Variants in SVIL observed in about 807,000 individuals in gnomAD.
The protein encoded by SVIL is archvillin.
SVIL carries 101 observed loss-of-function variants against 240.4 expected under a neutral mutation model. The observed-to-expected ratio is 0.42, with a 90% CI of 0.36 to 0.50. The LOEUF (loss-of-function observed/expected upper bound fraction) is 0.50, where lower values mean the gene tolerates loss of function less well. SVIL is among the 20% of genes least tolerant of loss of function. SVIL has a pLI of 0.01. For missense variants in SVIL, 2,512 were observed against 2,818.7 expected, an observed-to-expected ratio of 0.89 and a Z score of 2.46; for synonymous variants, 999 against 1,100.0, an observed-to-expected ratio of 0.91 and a Z score of 1.82.
At chr10:29,621,979 G>A (rs949597244) in intron 1 of SVIL, among the ~76,000 whole-genome samples, 4 of 151,948 alleles carry the variant, frequency 2.6e-5, no homozygotes, top group African/African-American at 7.3e-5. Context: ...GGCCGGGCGC[G>A]GTGGCTCACG....
chr10:29,697,803 AAT>A (rs1171745028), intron 1 of SVIL: 6 of 247,004 alleles, frequency 2.4e-5, no homozygotes, highest in African/African-American at 1.6e-4. Context: ...TTAAAAAAAA[AAT>A]AAAATTAAAA....
chr10:29,531,262 G>A lies in SVIL; in HGVS notation c.2036C>T (p.Thr679Ile), dbSNP rs1951347042. ...GGGAAACAGGTACTTGCCATCGACA[G>A]TTGGCGTTTCTGAATGTGAAGTGCA... is the stretch of plus-strand genomic sequence containing the variant. ...DRCTSHSETPTVDDEEKVDER... is the reference protein window; with the variant it reads ...DRCTSHSETPIVDDEEKVDER... The change falls in exon 10 of 38, where the codon ACT becomes ATT. Residue 679 changes from threonine to isoleucine, a missense_variant. Transcript: ENST00000355867. 2 of 1,614,020 alleles carry A rather than the reference G, an allele frequency of 1.2e-6. No individual in the cohort carries two copies. Among genetic ancestry groups the A allele is most frequent in the Admixed American group, 1.7e-5 (1 of 60,020 alleles).
intron 12 of SVIL, among the ~76,000 whole-genome samples, chr10:29,529,025 A>T (rs1951143073): frequency 6.6e-6 from 1 of 151,720 alleles, no homozygotes; most frequent in South Asian, 2.1e-4. Context: ...AAAATACAAA[A>T]ATTAGCTGAG....
At chr10:29,619,448 A>G (rs1165763965) in intron 1 of SVIL, among the ~76,000 whole-genome samples, 1 of 152,208 alleles carries the variant, frequency 6.6e-6, no homozygotes, top group Non-Finnish European at 1.5e-5. Flanking sequence ...ACTCTTCAGC[A>G]GTTAGCTTTG....
chr10:29,586,757 G>A (rs1050024564), intron 1 of SVIL, among the ~76,000 whole-genome samples: 1 of 152,122 alleles, frequency 6.6e-6, no homozygotes, highest in Admixed American at 6.5e-5. Flanking sequence ...GGATGAAGCA[G>A]GAGGCTACCA....
chr10:29,630,012 G>A (rs1330214525), intron 1 of SVIL, among the ~76,000 whole-genome samples: 1 of 128,542 alleles, frequency 7.8e-6, no homozygotes, highest in East Asian at 1.9e-4. Flanking sequence ...ATATTGTAGA[G>A]GTAAAGAGTG....
chr10:29,585,565 A>G (rs1357619739), intron 1 of SVIL, among the ~76,000 whole-genome samples: 1 of 152,212 alleles, frequency 6.6e-6, no homozygotes, highest in East Asian at 1.9e-4. Flanking sequence ...AGCAATGAAA[A>G]GAAGACAACG....
chr10:29,548,747 C>CT (rs1473487292), intron 6 of SVIL, among the ~76,000 whole-genome samples: 4 of 152,198 alleles, frequency 2.6e-5, no homozygotes, highest in African/African-American at 9.7e-5. Flanking sequence ...AGTGGTGCTT[C>CT]TTCTGCTCTG....
chr10:29,665,250 A>AG (rs1164301609), intron 2 of SVIL, among the ~76,000 whole-genome samples: 6 of 150,704 alleles, frequency 4.0e-5, no homozygotes, highest in Non-Finnish European at 8.9e-5. Context: ...AAAAAAAAAA[A>AG]AGGAGGCAAA....
chr10:29,609,161 TC>T (rs1467861924), intron 1 of SVIL, among the ~76,000 whole-genome samples: 2 of 152,156 alleles, frequency 1.3e-5, no homozygotes, highest in Non-Finnish European at 2.9e-5. Flanking sequence ...CTGCATAACC[TC>T]ATTCTTCCTA....
intron 3 of SVIL, among the ~76,000 whole-genome samples, chr10:29,557,259 C>G (rs1954018500): frequency 1.3e-5 from 2 of 149,410 alleles, no homozygotes; most frequent in Admixed American, 6.7e-5. Flanking sequence ...CCACGCCTGG[C>G]TAGCTTTTGG....
intron 6 of SVIL, among the ~76,000 whole-genome samples, chr10:29,539,169 A>T (rs1257098584): frequency 7.2e-6 from 1 of 138,182 alleles, no homozygotes; most frequent in East Asian, 1.9e-4. Context: ...GGCCTCTAAT[A>T]AATAAATAAA....
chr10:29,517,164 C>T (rs61849348), intron 16 of SVIL, among the ~76,000 whole-genome samples: 21,039 of 152,082 alleles, frequency 0.14, 1,996 homozygotes, highest in African/African-American at 0.27. Context: ...GTAATCCCAG[C>T]ACTTTGGAAG....
At chr10:29,493,416 TAA>T (rs768912345) in intron 20 of SVIL, 25 bp from the exon 21 acceptor site, 5 of 1,611,504 alleles carry the variant, frequency 3.1e-6, no homozygotes, top group East Asian at 2.2e-5. Flanking sequence ...GCAAAAGACA[TAA>T]GAGTTTTATA....
chr10:29,729,340 GGA>G (rs1314026377), intron 1 of SVIL, among the ~76,000 whole-genome samples: 23 of 151,996 alleles, frequency 1.5e-4, no homozygotes, highest in Admixed American at 1.5e-3. Context: ...ACATTAAGCA[GGA>G]GGAAAAAGTT....
chr10:29,495,869 G>T (rs1490930546), intron 18 of SVIL, among the ~76,000 whole-genome samples: 2 of 152,282 alleles, frequency 1.3e-5, no homozygotes, highest in Middle Eastern at 3.4e-3. Context: ...AAAGTATCCA[G>T]CTGGAAGAAG....
At chr10:29,585,268 C>T (rs1288341833) in intron 1 of SVIL, among the ~76,000 whole-genome samples, 1 of 151,972 alleles carries the variant, frequency 6.6e-6, no homozygotes, top group Non-Finnish European at 1.5e-5. Flanking sequence ...TGCCATGTTG[C>T]CCAGGTTGGT....
At chr10:29,462,184 G>A in intron 36 of SVIL, 93 bp downstream of exon 36, 1 of 1,443,886 alleles carries the variant, frequency 6.9e-7, no homozygotes, top group Non-Finnish European at 9.2e-7. Flanking sequence ...TTCCCACTCT[G>A]AAAGTGCAAT....
intron 30 of SVIL, among the ~76,000 whole-genome samples, 166 bp from the exon 31 acceptor site, chr10:29,471,409 A>G (rs1417533085): frequency 1.3e-5 from 2 of 152,124 alleles, no homozygotes; most frequent in East Asian, 3.8e-4. Context: ...TGCCGTGTGC[A>G]GCCTCCTCTC....
Sources: allele counts gnomAD v4.1 joint callset (sites outside exome capture counted in the v4.1 genomes callset), GRCh38; gene constraint gnomAD v4.1.1; transcripts MANE v1.5; gene names NCBI Gene and HGNC (gene_info 2026-07-23, HGNC 2026-07-21).